Variants in MOK observed in about 807,000 individuals in gnomAD.
MOK encodes MOK protein kinase.
A neutral mutation model predicts 54.2 loss-of-function variants in MOK; 59 were observed. The observed-to-expected ratio is 1.09, with a 90% confidence interval of 0.88 to 1.35. MOK has a LOEUF of 1.35. Among genes scored for constraint, MOK ranks in the 40% most tolerant of loss-of-function variants. MOK has a pLI of 0.00. For missense variants in MOK, 517 were observed against 526.2 expected, an observed-to-expected ratio of 0.98 and a Z score of 0.17; for synonymous variants, 210 against 202.7, an observed-to-expected ratio of 1.04 and a Z score of -0.31.
At chr14:102,265,622 G>A (rs112261631) in intron 3 of MOK, among the ~76,000 whole-genome samples, 4,202 of 151,938 alleles carry the variant, frequency 0.028, 87 homozygotes, top group South Asian at 0.051. Flanking sequence ...CAGAGAGAGA[G>A]ACTCCTTCTC....
At chr14:102,219,330 G>C in the MOK span, among the ~76,000 whole-genome samples, 1 of 152,254 alleles carries the variant, frequency 6.6e-6, no homozygotes, top group Non-Finnish European at 1.5e-5. Context: ...AAGATGAAGG[G>C]TCCAGTGACT....
intron 2 of MOK, among the ~76,000 whole-genome samples, chr14:102,268,775 G>GC (rs1274285385): frequency 2.3e-4 from 35 of 152,140 alleles, no homozygotes; most frequent in African/African-American, 7.9e-4. Context: ...AATTAGCCGG[G>GC]ATGGTGGCGG....
the MOK span, among the ~76,000 whole-genome samples, chr14:102,216,213 G>A: frequency 7.9e-5 from 12 of 152,340 alleles, no homozygotes; most frequent in Admixed American, 2.6e-4. Flanking sequence ...CTGTCAAAGC[G>A]GAGGGAACAT....
the MOK span, among the ~76,000 whole-genome samples, chr14:102,216,072 C>A: frequency 1.3e-5 from 2 of 152,314 alleles, no homozygotes; most frequent in South Asian, 4.1e-4. Context: ...CCGGCTGAGC[C>A]CTGTGCTCTG....
At chr14:102,279,271 A>G (rs924335875) in intron 2 of MOK, among the ~76,000 whole-genome samples, 8 of 149,364 alleles carry the variant, frequency 5.4e-5, no homozygotes, top group Non-Finnish European at 7.4e-5. Flanking sequence ...GACTAAAAGC[A>G]TAGCAAGAGA....
chr14:102,264,655 C>G (rs1341499860), intron 3 of MOK: 1 of 152,268 alleles, frequency 6.6e-6, no homozygotes, highest in Non-Finnish European at 1.5e-5. Context: ...AAACTGCACT[C>G]TCTGGACCTG....
intron 2 of MOK, among the ~76,000 whole-genome samples, chr14:102,275,628 T>C (rs1223914414): frequency 2.0e-5 from 3 of 150,432 alleles, no homozygotes; most frequent in African/African-American, 7.3e-5. Flanking sequence ...GATAAGGTTT[T>C]TAGGAGAAAA....
intron 1 of MOK, among the ~76,000 whole-genome samples, chr14:102,300,384 CA>C (rs36070143): frequency 2.5e-3 from 335 of 133,100 alleles, no homozygotes; most frequent in Middle Eastern, 3.9e-3. Flanking sequence ...CCATCTCCAC[CA>C]AAAAAAAAAA....
At chr14:102,300,462 T>C (rs372534761) in intron 1 of MOK, among the ~76,000 whole-genome samples, 1 of 150,908 alleles carries the variant, frequency 6.6e-6, no homozygotes, top group East Asian at 1.9e-4. Context: ...GGTGGGAGGA[T>C]TGCCTGAGCC....
rs1382546867 is a variant in MOK, at chr14:102,230,106, C to CA, written c.982-450dup. The CA allele has an allele frequency of 6.1e-6, 1 of 162,736 alleles. No individual in the cohort carries two copies. Among genetic ancestry groups the CA allele is most frequent in the East Asian group, 1.8e-4 (1 of 5,638 alleles). The allele number at this position is 162,736 out of a possible 1,614,324, so 10.1% of individuals were successfully genotyped here. The stretch of plus-strand genomic sequence containing the variant: ...TAGCACAGACTGGAGTGCAGTGGTG[C>CA]AATCTTGGCTCACTGTAGCCTCAGC... On this transcript the variant is annotated intron_variant, in intron 10 of 11. Transcript: ENST00000361847. The surrounding 1 kb of genome is among the most constrained non-coding windows in gnomAD (Gnocchi z 4.1).
chr14:102,223,050 G>T, downstream of MOK: 1 of 663,286 alleles, frequency 1.5e-6, no homozygotes, highest in Non-Finnish European at 2.5e-6. Flanking sequence ...CCGTGCTCCC[G>T]CTGCTCACCC....
intron 7 of MOK, among the ~76,000 whole-genome samples, chr14:102,243,248 T>A (rs535052612): frequency 6.6e-6 from 1 of 152,172 alleles, no homozygotes; most frequent in African/African-American, 2.4e-5. Flanking sequence ...GCTGACCACA[T>A]AGATCCTAAA....
At position 102,232,272 on chromosome 14, in the gene MOK, G is replaced by A. The variant is rs1371386648; in HGVS notation, c.866+263C>T. On this transcript the variant is annotated intron_variant, in intron 9 of 11. Transcript: ENST00000361847. The surrounding 1 kb of genome is among the most constrained non-coding windows in gnomAD (Gnocchi z 5.1). ...GGCTCTTCTAGAAGGATTACTACCT[G>A]TAGCCTTGGCATCAACCGCAAAGTG... 4.1e-5 allele frequency: 18 copies of A among 434,904 alleles called. No individual in the cohort carries two copies. The highest frequency in any genetic ancestry group is 6.9e-5 in the Non-Finnish European group (17 of 246,774). 26.9% of individuals were successfully genotyped at this position (434,904 alleles called of 1,614,324 possible). A position where few individuals can be genotyped will look rare whatever the true frequency, so the allele number is the denominator to read the frequency against.
intron 7 of MOK, among the ~76,000 whole-genome samples, chr14:102,239,962 G>A (rs2065576380): frequency 6.6e-6 from 1 of 152,150 alleles, no homozygotes; most frequent in Admixed American, 6.5e-5. Context: ...CTTACTGTCA[G>A]GCCTCTGAGC....
At chr14:102,251,101 G>T in intron 6 of MOK, 111 bp from the exon 7 acceptor site, 1 of 1,172,276 alleles carries the variant, frequency 8.5e-7, no homozygotes, top group Non-Finnish European at 1.2e-6. Flanking sequence ...ATCTAAAGTA[G>T]TCTGTAAAAT....
At chr14:102,261,036 T>A (rs2067348000) in intron 4 of MOK, among the ~76,000 whole-genome samples, 1 of 151,792 alleles carries the variant, frequency 6.6e-6, no homozygotes, top group Admixed American at 6.6e-5. Context: ...GACAGGCAGA[T>A]CACGACGTCA....
intron 4 of MOK, among the ~76,000 whole-genome samples, chr14:102,255,439 G>A (rs555585030): frequency 2.0e-5 from 3 of 152,322 alleles, no homozygotes; most frequent in Non-Finnish European, 2.9e-5. Flanking sequence ...TTCAGTCCCA[G>A]GTAAGAGTCC....
intron 2 of MOK, among the ~76,000 whole-genome samples, chr14:102,267,047 T>C (rs1233539329): frequency 1.3e-5 from 2 of 152,176 alleles, no homozygotes; most frequent in Non-Finnish European, 2.9e-5. Flanking sequence ...ACAGACCTCT[T>C]TTGAGAATGC....
intron 2 of MOK, among the ~76,000 whole-genome samples, chr14:102,273,527 G>C (rs552609149): frequency 2.0e-5 from 3 of 151,950 alleles, no homozygotes; most frequent in Non-Finnish European, 4.4e-5. Context: ...CCTGTAATCT[G>C]AGCACTTTGC....
Sources: gnomAD v4.1 joint callset for allele counts (sites outside exome capture counted in the v4.1 genomes callset) on GRCh38, gnomAD v4.1.1 for gene constraint, Gnocchi (gnomAD v3.1) non-coding constraint, MANE v1.5 for transcripts, NCBI Gene and HGNC (gene_info 2026-07-23, HGNC 2026-07-21) for gene names.